The following MGST2 variants were observed in gnomAD, a reference collection of about 807,000 sequenced individuals.
MGST2 encodes microsomal glutathione S-transferase 2, also known as glutathione peroxidase MGST2.
In MGST2, 9 loss-of-function variants were observed where a neutral mutation model predicts 16.6. The ratio of observed to expected loss-of-function variants is 0.54; its 90% CI spans 0.33 to 0.95. MGST2 has a LOEUF of 0.95. MGST2 is among the 40% of genes least tolerant of loss of function. The pLI is 0.03. For missense variants in MGST2, 159 were observed against 175.1 expected (o/e 0.91, Z 0.52); for synonymous variants, 79 against 68.0 (o/e 1.16, Z -0.79).
At chr4:139,707,501 G>A (rs949971247), downstream of MGST2, among the ~76,000 whole-genome samples, 32 of 152,014 alleles carry the variant, frequency 2.1e-4, no homozygotes, top group South Asian at 6.2e-4. Context: ...GAATAATGCC[G>A]CAATAAACAT....
At chr4:139,673,659 C>T (rs906630634) in intron 1 of MGST2, among the ~76,000 whole-genome samples, 1 of 152,176 alleles carries the variant, frequency 6.6e-6, no homozygotes, top group Non-Finnish European at 1.5e-5. Flanking sequence ...AGCAGTCCTC[C>T]TGCCTCGGCC....
chr4:139,700,383 G>A (rs774748711), intron 3 of MGST2, among the ~76,000 whole-genome samples: 3 of 151,816 alleles, frequency 2.0e-5, no homozygotes, highest in Admixed American at 2.0e-4. Context: ...CGCCAGTCTC[G>A]GCCTCCCAAA....
chr4:139,703,107 G>A (rs1319674090), intron 3 of MGST2, among the ~76,000 whole-genome samples: 2 of 151,450 alleles, frequency 1.3e-5, no homozygotes, highest in Non-Finnish European at 2.9e-5. Flanking sequence ...TGTATTTTTA[G>A]TAGAGACGAG....
intron 2 of MGST2, among the ~76,000 whole-genome samples, chr4:139,689,179 C>G (rs2110857706): frequency 6.6e-6 from 1 of 151,700 alleles, no homozygotes; most frequent in South Asian, 2.1e-4. Flanking sequence ...TCCTCAAACT[C>G]CAGTGTCCTT....
chr4:139,688,253 C>T (rs1726360861), intron 2 of MGST2, among the ~76,000 whole-genome samples: 1 of 151,990 alleles, frequency 6.6e-6, no homozygotes, highest in Non-Finnish European at 1.5e-5. Flanking sequence ...TTTTGGTTCT[C>T]TTTAGACAAA....
intron 5 of MGST2, among the ~76,000 whole-genome samples, chr4:139,736,906 A>G (rs1431705747): frequency 6.6e-6 from 1 of 152,206 alleles, no homozygotes; most frequent in Non-Finnish European, 1.5e-5. Context: ...TTCTATTGCA[A>G]AATTTCCTGC....
intron 5 of MGST2, among the ~76,000 whole-genome samples, chr4:139,737,424 G>T (rs1419571705): frequency 2.0e-5 from 3 of 151,808 alleles, no homozygotes; most frequent in Non-Finnish European, 4.4e-5. Flanking sequence ...GGTCTAAATT[G>T]AGCGGACCAC....
intron 5 of MGST2, chr4:139,720,072 T>C: frequency 6.2e-7 from 1 of 1,614,102 alleles, no homozygotes; most frequent in Non-Finnish European, 8.5e-7. Flanking sequence ...GTGATGCTCA[T>C]GCCACTTTGG....
At chr4:139,751,303 A>G in the MGST2 span, among the ~76,000 whole-genome samples, 1 of 152,238 alleles carries the variant, frequency 6.6e-6, no homozygotes, top group East Asian at 1.9e-4. Flanking sequence ...TTGGGATCAG[A>G]AGTATTACGA....
chr4:139,669,001 C>T (rs2646046), intron 1 of MGST2, among the ~76,000 whole-genome samples: 86,923 of 151,662 alleles, frequency 0.57, 26,631 homozygotes, highest in East Asian at 0.86. Flanking sequence ...TTGACAAAGG[C>T]CTGTGAAATG....
At chr4:139,704,859 T>C (rs1727458701), downstream of MGST2, among the ~76,000 whole-genome samples, 3 of 152,076 alleles carry the variant, frequency 2.0e-5, no homozygotes, top group South Asian at 6.2e-4. Flanking sequence ...GAGGCGGAGC[T>C]TGCAGTGAGC....
Position 139,675,980 on chromosome 4 carries a change from T to C in MGST2, c.59-2563T>C, listed in dbSNP as rs8192050. ...CCTTAGATATAGGGAAGATCAATTA[T>C]TTCTAAACTCCTCAGATAAGGAGTT... On this transcript the variant is annotated intron_variant, in intron 1 of 4. Transcript: ENST00000265498. 3.4e-4 allele frequency among the ~76,000 whole-genome samples: 52 copies of C among 152,290 alleles called. 1 individual carries two copies. The South Asian group carries it at 8.9e-3, about 26-fold the overall frequency.
chr4:139,736,107 CACACACAT>C (rs1728933511), intron 5 of MGST2, among the ~76,000 whole-genome samples: 1 of 152,136 alleles, frequency 6.6e-6, no homozygotes, highest in East Asian at 1.9e-4. Context: ...TTCAGACACA[CACACACAT>C]ACACACACAC....
At chr4:139,677,715 C>T (rs1731037690) in intron 1 of MGST2, among the ~76,000 whole-genome samples, 1 of 152,096 alleles carries the variant, frequency 6.6e-6, no homozygotes, top group African/African-American at 2.4e-5. Context: ...GTTGGTCAGG[C>T]TGGTCTCGAA....
downstream of MGST2, among the ~76,000 whole-genome samples, chr4:139,706,899 T>C (rs1727539520): frequency 6.6e-6 from 1 of 152,228 alleles, no homozygotes; most frequent in Non-Finnish European, 1.5e-5. Context: ...TCTGATCGGT[T>C]TGACAATTAC....
At chr4:139,731,436 A>T (rs974818317) in intron 5 of MGST2, 4 of 18,194 alleles carry the variant, frequency 2.2e-4, no homozygotes, top group African/African-American at 5.8e-4. Flanking sequence ...TGTCTCTACT[A>T]AAAAAAAAAA....
chr4:139,697,625 A>C (rs1257955538), intron 3 of MGST2, among the ~76,000 whole-genome samples: 1 of 152,118 alleles, frequency 6.6e-6, no homozygotes, highest in East Asian at 1.9e-4. Context: ...TTTTTCTTTT[A>C]ATAGTTTAAT....
rs752590429 is a variant in MGST2, at chr4:139,704,163, T to G, written c.*15T>G. ...GGCAATTCTAACTTTTTCTCTTCCC[T>G]TTAATACTTGCAGAAGCTGTTCCCA... On this transcript the variant is annotated 3_prime_UTR_variant, in exon 5 of 5. Coordinates refer to ENST00000265498, the MANE Select transcript of MGST2 (RefSeq NM_002413.5). 2 of 1,613,812 alleles carry G rather than the reference T, an allele frequency of 1.2e-6. No individual in the cohort carries two copies. Among genetic ancestry groups the G allele is most frequent in the African/African-American group, 2.7e-5 (2 of 74,930 alleles).
chr4:139,713,573 T>G (rs1165010699), intron 5 of MGST2, among the ~76,000 whole-genome samples: 2 of 151,762 alleles, frequency 1.3e-5, no homozygotes, highest in East Asian at 3.9e-4. Context: ...AGAAAATCAT[T>G]AATGGCCTTT....
Sources: allele counts gnomAD v4.1 joint callset (sites outside exome capture counted in the v4.1 genomes callset), GRCh38; gene constraint gnomAD v4.1.1; transcripts MANE v1.5; gene names NCBI Gene and HGNC (gene_info 2026-07-23, HGNC 2026-07-21).